IGF2BP1: variants seen among roughly 807,000 people sequenced by gnomAD.
IGF2BP1 encodes insulin-like growth factor 2 mRNA-binding protein 1.
In IGF2BP1, 11 loss-of-function variants were observed where a neutral mutation model predicts 74.9. The observed-to-expected ratio is 0.15, with a 90% CI of 0.09 to 0.24. The LOEUF (loss-of-function observed/expected upper bound fraction) is 0.24, where lower values mean the gene tolerates loss of function less well. Among genes scored for constraint, IGF2BP1 ranks in the 10% least tolerant of loss-of-function variants. The pLI, the probability that IGF2BP1 is intolerant of heterozygous loss-of-function variation, is 1.00. For synonymous variants in IGF2BP1, 287 were observed against 281.8 expected, an observed-to-expected ratio of 1.02 and a Z score of -0.18; for missense variants, 440 against 757.4, an observed-to-expected ratio of 0.58 and a Z score of 4.92.
chr17:49,031,822 C>A, intron 4 of IGF2BP1, 88 bp from the exon 5 acceptor site: 1 of 1,226,852 alleles, frequency 8.2e-7, no homozygotes. Context: ...TCTTCTTGAT[C>A]TCAAAACGTG....
chr17:48,998,327 C>G (rs2041435226), intron 1 of IGF2BP1, among the ~76,000 whole-genome samples: 1 of 152,258 alleles, frequency 6.6e-6, no homozygotes, highest in African/African-American at 2.4e-5. Context: ...CCCCGGCTCC[C>G]GTTCCTCAGT....
chr17:49,010,314 T>TCTC (rs1491183933), intron 2 of IGF2BP1, among the ~76,000 whole-genome samples: 2 of 46,228 alleles, frequency 4.3e-5, no homozygotes, highest in African/African-American at 3.0e-4. Flanking sequence ...GGTGGTCATC[T>TCTC]TTTTTTTTTT....
At chr17:49,023,217 A>T (rs971147605) in intron 2 of IGF2BP1, among the ~76,000 whole-genome samples, 1 of 152,182 alleles carries the variant, frequency 6.6e-6, no homozygotes, top group African/African-American at 2.4e-5. Context: ...GGGGACCTGG[A>T]ACTGGATTTG....
chr17:49,019,968 ACACACACATACACC>A (rs1208348580), intron 2 of IGF2BP1, among the ~76,000 whole-genome samples: 986 of 93,904 alleles, frequency 0.011, 24 homozygotes, highest in South Asian at 0.02. Context: ...ACACACACAC[ACACACACATACACC>A]CACACATATA....
At chr17:49,021,892 G>T (rs1030706157) in intron 2 of IGF2BP1, among the ~76,000 whole-genome samples, 3 of 152,158 alleles carry the variant, frequency 2.0e-5, no homozygotes, top group African/African-American at 7.2e-5. Flanking sequence ...CCTTTAACTG[G>T]GGAGATGGGG....
chr17:49,051,113 C>G lies in IGF2BP1; in HGVS notation c.*1669C>G, dbSNP rs1294856843. On this transcript the variant is annotated 3_prime_UTR_variant, in exon 15 of 15. Coordinates refer to ENST00000290341, the MANE Select transcript of IGF2BP1 (RefSeq NM_006546.4). ...ATGAAGTTACCTCAGCAATTATTTT[C>G]CTTTTTGTTCCCCCCAACCCCATTA... The G allele has an allele frequency of 6.6e-6, 1 of 152,528 alleles. No homozygotes were observed. The highest frequency in any genetic ancestry group is 1.5e-5 in the Non-Finnish European group (1 of 68,016). The allele number at this position is 152,528 out of a possible 1,614,324, so 9.4% of individuals were successfully genotyped here. A position where few individuals can be genotyped will look rare whatever the true frequency, so the allele number is the denominator to read the frequency against.
intron 2 of IGF2BP1, among the ~76,000 whole-genome samples, chr17:49,005,012 C>T (rs1247287721): frequency 6.6e-6 from 1 of 152,116 alleles, no homozygotes; most frequent in Non-Finnish European, 1.5e-5. Flanking sequence ...ACTTGGATGG[C>T]CCTTCAGATT....
chr17:49,044,879 C>A, intron 11 of IGF2BP1, 112 bp from the exon 12 acceptor site: 1 of 872,680 alleles, frequency 1.1e-6, no homozygotes, highest in Non-Finnish European at 1.9e-6. Context: ...TCCCCTAAGT[C>A]TTCAGAATGG....
At chr17:49,019,309 C>G (rs923542725) in intron 2 of IGF2BP1, among the ~76,000 whole-genome samples, 4 of 152,104 alleles carry the variant, frequency 2.6e-5, no homozygotes, top group Non-Finnish European at 4.4e-5. Flanking sequence ...AGCCCAAGCC[C>G]TTGTCTCCTT....
chr17:49,020,382 T>C (rs1463530994), intron 2 of IGF2BP1, among the ~76,000 whole-genome samples: 7 of 152,152 alleles, frequency 4.6e-5, no homozygotes, highest in African/African-American at 1.7e-4. Context: ...CACGCCAGGC[T>C]CTGAGATTCA....
chr17:49,032,426 C>T (rs772068211), intron 5 of IGF2BP1, among the ~76,000 whole-genome samples: 1 of 151,328 alleles, frequency 6.6e-6, no homozygotes, highest in Non-Finnish European at 1.5e-5. Context: ...CAGTGATGGT[C>T]GTAAACCTAG....
intron 2 of IGF2BP1, among the ~76,000 whole-genome samples, chr17:49,010,855 A>G (rs2041608456): frequency 6.6e-6 from 1 of 152,024 alleles, no homozygotes; most frequent in African/African-American, 2.4e-5. Context: ...AGGAACGAAA[A>G]TAGAGGAGGG....
At chr17:49,015,092 C>T (rs965248376) in intron 2 of IGF2BP1, 21 of 215,546 alleles carry the variant, frequency 9.7e-5, no homozygotes, top group Admixed American at 3.3e-4. Context: ...GCAACCTCAG[C>T]CTCCCGAGTA....
chr17:49,020,489 TCA>T (rs992880925), intron 2 of IGF2BP1, among the ~76,000 whole-genome samples: 7 of 152,212 alleles, frequency 4.6e-5, no homozygotes, highest in African/African-American at 1.7e-4. Flanking sequence ...CTTGTCTAAG[TCA>T]CACAGCCATG....
At position 49,051,335 on chromosome 17, in the gene IGF2BP1, C is replaced by T. The variant is rs1156642438; in HGVS notation, c.*1891C>T. The T allele has an allele frequency of 6.6e-6, 1 of 152,590 alleles. No individual in the cohort carries two copies. The highest frequency in any genetic ancestry group is 2.4e-5 in the African/African-American group (1 of 41,418). 9.5% of individuals were successfully genotyped at this position (152,590 alleles called of 1,614,324 possible). On this transcript the variant is annotated 3_prime_UTR_variant, in exon 15 of 15. Transcript: ENST00000290341. ...TTAGGAACTCTCTATGGAGAACAGG[C>T]CTGGTGGGAAAGGCTTTGGGGGCTG...
At chr17:49,011,714 G>A (rs2143965487) in intron 2 of IGF2BP1, among the ~76,000 whole-genome samples, 1 of 152,124 alleles carries the variant, frequency 6.6e-6, no homozygotes, top group Non-Finnish European at 1.5e-5. Flanking sequence ...TTGGGAACAG[G>A]TGATCCTCCA....
Position 48,997,697 on chromosome 17 carries a change from C to A in IGF2BP1, c.-49C>A. The A allele has an allele frequency of 6.3e-7, 1 of 1,584,004 alleles. No homozygotes were observed. The highest frequency in any genetic ancestry group is 8.6e-7 in the Non-Finnish European group (1 of 1,163,430). On this transcript the variant is annotated 5_prime_UTR_variant, in exon 1 of 15. Transcript: ENST00000290341. This position sits in a 1 kb window ranked among gnomAD's most constrained non-coding sequence, Gnocchi z 4.8. ...GCCTAGGAGGCTCGCCGCCCGCGCC[C>A]GCTCGTTCGGCCTTGCCCGGGACCG...
chr17:49,017,233 C>T (rs2041716797), intron 2 of IGF2BP1, among the ~76,000 whole-genome samples: 1 of 152,070 alleles, frequency 6.6e-6, no homozygotes, highest in African/African-American at 2.4e-5. Flanking sequence ...GTCCAGTGAG[C>T]AGCTCTCCCT....
chr17:49,011,929 A>C (rs1455183661), intron 2 of IGF2BP1, among the ~76,000 whole-genome samples: 1 of 114,226 alleles, frequency 8.8e-6, no homozygotes, highest in Non-Finnish European at 1.7e-5. Context: ...TTTTTGGGAG[A>C]TAGAGTCTTG....
Sources: allele counts gnomAD v4.1 joint callset (sites outside exome capture counted in the v4.1 genomes callset), GRCh38; gene constraint gnomAD v4.1.1; non-coding constraint Gnocchi (gnomAD v3.1); transcripts MANE v1.5; gene names NCBI Gene and HGNC (gene_info 2026-07-23, HGNC 2026-07-21).